Variants in DLG2 observed in about 807,000 individuals in gnomAD.
DLG2 encodes discs large MAGUK scaffold protein 2.
In DLG2, 45 loss-of-function variants were observed where a neutral mutation model predicts 132.5. The observed-to-expected ratio is 0.34, with a 90% confidence interval of 0.27 to 0.44. The LOEUF (loss-of-function observed/expected upper bound fraction) is 0.44, where lower values mean the gene tolerates loss of function less well. Ranked by LOEUF, DLG2 falls within the 20% of genes least tolerant of loss-of-function variation. The probability of loss-of-function intolerance (pLI) is 1.00; values close to 1 mark genes in which losing one functional copy is unlikely to be tolerated. For missense variants in DLG2, 1,045 were observed against 1,196.9 expected, an observed-to-expected ratio of 0.87 and a Z score of 1.87; for synonymous variants, 424 against 419.6, an observed-to-expected ratio of 1.01 and a Z score of -0.13.
chr11:84,369,749 A>G (rs2098698563), intron 7 of DLG2, among the ~76,000 whole-genome samples: 2 of 152,208 alleles, frequency 1.3e-5, no homozygotes, highest in South Asian at 4.1e-4. Flanking sequence ...AAAACCCTTC[A>G]CTGAGAAACC....
intron 6 of DLG2, among the ~76,000 whole-genome samples, chr11:85,025,809 G>T (rs185235760): frequency 4.7e-4 from 71 of 151,812 alleles, no homozygotes; most frequent in African/African-American, 1.6e-3. Flanking sequence ...GTGGAACAAA[G>T]ATTAAAAATA....
chr11:85,076,550 C>G (rs2066572523), intron 6 of DLG2, among the ~76,000 whole-genome samples: 1 of 151,988 alleles, frequency 6.6e-6, no homozygotes, highest in South Asian at 2.1e-4. Context: ...TCAAGGTCTG[C>G]CAGAGAAGTA....
chr11:85,589,552 G>T (rs186323453), intron 3 of DLG2, among the ~76,000 whole-genome samples: 1 of 152,268 alleles, frequency 6.6e-6, no homozygotes, highest in Admixed American at 6.5e-5. Context: ...CCACTGTGGG[G>T]GTGTGGGAGG....
chr11:83,906,081 C>CTATATA (rs773692866), intron 15 of DLG2, among the ~76,000 whole-genome samples: 7 of 96,604 alleles, frequency 7.2e-5, no homozygotes, highest in African/African-American at 1.3e-4. Flanking sequence ...CTCTCTCTCT[C>CTATATA]TATATATATA....
intron 6 of DLG2, among the ~76,000 whole-genome samples, chr11:84,947,332 G>C (rs1235163352): frequency 2.6e-5 from 4 of 152,140 alleles, no homozygotes; most frequent in Non-Finnish European, 4.4e-5. Context: ...CTTCCCAATA[G>C]ATCTTTGACC....
At chr11:83,906,127 A>G (rs1195327593) in intron 15 of DLG2, among the ~76,000 whole-genome samples, 1 of 148,202 alleles carries the variant, frequency 6.7e-6, no homozygotes, top group East Asian at 2.0e-4. Flanking sequence ...TTGCACTATA[A>G]AAGCTCACAA....
chr11:84,058,772 T>C (rs891733881), intron 11 of DLG2, among the ~76,000 whole-genome samples: 12 of 151,736 alleles, frequency 7.9e-5, no homozygotes, highest in African/African-American at 1.9e-4. Context: ...AGAGTAACTA[T>C]AATAATCTCA....
chr11:85,423,624 G>T (rs192805718), intron 3 of DLG2, among the ~76,000 whole-genome samples: 32 of 152,150 alleles, frequency 2.1e-4, no homozygotes, highest in African/African-American at 7.0e-4. Flanking sequence ...GGGGGATGGG[G>T]GTGAGCTTCC....
intron 3 of DLG2, among the ~76,000 whole-genome samples, chr11:85,339,513 G>A (rs1446022877): frequency 6.6e-6 from 1 of 152,078 alleles, no homozygotes; most frequent in Non-Finnish European, 1.5e-5. Flanking sequence ...GCACAGCCTT[G>A]CAAATAGAAT....
chr11:84,276,812 A>G (rs1277091241), intron 7 of DLG2, among the ~76,000 whole-genome samples: 1 of 152,192 alleles, frequency 6.6e-6, no homozygotes, highest in Admixed American at 6.5e-5. Flanking sequence ...ATTTAACTTC[A>G]TGACAATTGC....
chr11:84,294,734 G>A (rs933552997), intron 7 of DLG2, among the ~76,000 whole-genome samples: 4 of 152,218 alleles, frequency 2.6e-5, no homozygotes, highest in African/African-American at 7.2e-5. Context: ...GTGTTAGGTA[G>A]GTCACCAATC....
intron 3 of DLG2, among the ~76,000 whole-genome samples, chr11:85,495,021 A>G (rs2093639969): frequency 6.6e-6 from 1 of 152,166 alleles, no homozygotes; most frequent in Admixed American, 6.5e-5. Flanking sequence ...ACCTGTTACA[A>G]TAGTGGTCAA....
intron 7 of DLG2, among the ~76,000 whole-genome samples, chr11:84,339,320 G>A (rs148031114): frequency 6.8e-4 from 104 of 152,242 alleles, no homozygotes; most frequent in African/African-American, 2.3e-3. Context: ...CCATTATTTC[G>A]TCATATCCTC....
rs76696947 is a variant in DLG2 at position 83,600,188 on chromosome 11, A to T, written c.1940+33023T>A. On this transcript the variant is annotated intron_variant, in intron 19 of 27. Transcript: ENST00000376104. ...GAGAGATTATTCACACACACATCCT[A>T]TTTTTTTCAAAGATGAGGAAAAGAT... Among the ~76,000 whole-genome samples, 135 of 150,634 alleles carry T rather than the reference A, an allele frequency of 9.0e-4. 1 individual carries two copies. Among genetic ancestry groups the T allele is most frequent in the South Asian group, 8.8e-3 (42 of 4,764 alleles).
At chr11:84,860,928 G>C (rs961427924) in intron 6 of DLG2, among the ~76,000 whole-genome samples, 1 of 151,916 alleles carries the variant, frequency 6.6e-6, no homozygotes, top group Admixed American at 6.6e-5. Flanking sequence ...CTTTGAGTTA[G>C]AAAGAACATG....
At chr11:85,404,565 C>T (rs554559551) in intron 3 of DLG2, among the ~76,000 whole-genome samples, 2 of 151,948 alleles carry the variant, frequency 1.3e-5, no homozygotes, top group South Asian at 4.2e-4. Flanking sequence ...AAAACTGTTG[C>T]ATAGCTGCTA....
At chr11:84,952,325 C>T (rs984081400) in intron 6 of DLG2, among the ~76,000 whole-genome samples, 8 of 151,980 alleles carry the variant, frequency 5.3e-5, no homozygotes, top group African/African-American at 1.7e-4. Flanking sequence ...GTCAGGAGAT[C>T]GAGACCACGG....
chr11:85,511,885 C>T (rs1433403490), intron 3 of DLG2, among the ~76,000 whole-genome samples: 1 of 151,910 alleles, frequency 6.6e-6, no homozygotes, highest in African/African-American at 2.4e-5. Context: ...AGGCACGTGC[C>T]ACCAAGCCTG....
intron 7 of DLG2, among the ~76,000 whole-genome samples, chr11:84,282,302 G>A (rs1002610068): frequency 6.6e-6 from 1 of 152,100 alleles, no homozygotes; most frequent in Non-Finnish European, 1.5e-5. Context: ...TATAGAAAAT[G>A]CAAGTTAATG....
Sources: gnomAD v4.1 joint callset for allele counts (sites outside exome capture counted in the v4.1 genomes callset) on GRCh38, gnomAD v4.1.1 for gene constraint, MANE v1.5 for transcripts, NCBI Gene and HGNC (gene_info 2026-07-23, HGNC 2026-07-21) for gene names.